Variants in ATAD2 observed in about 807,000 individuals in gnomAD.
The protein encoded by ATAD2 is ATPase family AAA domain containing 2.
In ATAD2, 62 loss-of-function variants were observed where a neutral mutation model predicts 168.9. That is an observed-to-expected ratio of 0.37 (90% CI 0.30 to 0.45). The LOEUF (loss-of-function observed/expected upper bound fraction) is 0.45. ATAD2 is among the 20% of genes least tolerant of loss of function. The pLI, the probability that ATAD2 is intolerant of heterozygous loss-of-function variation, is 1.00. For missense variants in ATAD2, 1,419 were observed against 1,667.8 expected, an observed-to-expected ratio of 0.85 and a Z score of 2.60; for synonymous variants, 613 against 571.6, an observed-to-expected ratio of 1.07 and a Z score of -1.03.
intron 5 of ATAD2, 111 bp from the exon 6 acceptor site, chr8:123,371,101 T>C: frequency 4.4e-6 from 5 of 1,123,812 alleles, no homozygotes; most frequent in Non-Finnish European, 6.2e-6. Context: ...CATAAACTCT[T>C]ACATTTCCAG....
chr8:123,382,477 G>A (rs747835529), intron 1 of ATAD2, among the ~76,000 whole-genome samples: 1 of 152,200 alleles, frequency 6.6e-6, no homozygotes, highest in Non-Finnish European at 1.5e-5. Context: ...TTAGATCAGT[G>A]TAGTGTATAA....
intron 1 of ATAD2, among the ~76,000 whole-genome samples, chr8:123,384,475 G>A (rs1463234900): frequency 6.6e-6 from 1 of 152,180 alleles, no homozygotes; most frequent in African/African-American, 2.4e-5. Context: ...GACAAGGCAA[G>A]AATTTTCCCT....
rs1827843394 is a variant in ATAD2 at position 123,333,823 on chromosome 8, C to CAA, written c.3478+54_3478+55insTT. 3.3e-6 allele frequency: 5 copies of CAA among 1,502,636 alleles called. No individual in the cohort carries two copies. In the Admixed American group the frequency reaches 8.4e-5, roughly 25 times the overall value. The allele number at this position is 1,502,636 out of a possible 1,614,324, so 93.1% of individuals were successfully genotyped here. A position where few individuals can be genotyped will look rare whatever the true frequency, so the allele number is the denominator to read the frequency against. On this transcript the variant is annotated intron_variant, in intron 24 of 27. Coordinates refer to ENST00000287394, the MANE Select transcript of ATAD2 (RefSeq NM_014109.4). ...GGAAAATAAGGGAGAAAGTTAATGG[C>CAA]ATTAGAAAAGAATAAAGTTATAATT...
chr8:123,334,183 C>T lies in ATAD2; in HGVS notation c.3334+17G>A. The T allele has an allele frequency of 1.3e-6, 2 of 1,568,578 alleles. No homozygotes were observed. Among genetic ancestry groups the T allele is most frequent in the Non-Finnish European group, 1.7e-6 (2 of 1,164,640 alleles). Reference sequence around the variant, plus strand: ...ATAATATTAGGTTGGTACAAATCAACCAAATCACTTTCCTACCTCTTTTCT... The same window carrying T: ...ATAATATTAGGTTGGTACAAATCAATCAAATCACTTTCCTACCTCTTTTCT... On this transcript the variant is annotated intron_variant, in intron 23 of 27. Coordinates refer to ENST00000287394, the MANE Select transcript of ATAD2 (RefSeq NM_014109.4).
chr8:123,401,466 GTGAT>G, intron 1 of ATAD2: 1 of 1,528,442 alleles, frequency 6.5e-7, no homozygotes, highest in Non-Finnish European at 9.0e-7. Context: ...CCACCTCCAG[GTGAT>G]TGGGGGGAAC....
intron 13 of ATAD2, among the ~76,000 whole-genome samples, chr8:123,352,985 T>C (rs1352794821): frequency 6.6e-6 from 1 of 152,136 alleles, no homozygotes; most frequent in Non-Finnish European, 1.5e-5. Context: ...GAAGATTGCT[T>C]GAGCCCAGGA....
chr8:123,345,387 C>T (rs1301902614), intron 18 of ATAD2, among the ~76,000 whole-genome samples: 2 of 151,726 alleles, frequency 1.3e-5, no homozygotes, highest in Non-Finnish European at 2.9e-5. Context: ...TATAGCCAGG[C>T]GCGGTGGCTC....
chr8:123,357,851 A>T, intron 11 of ATAD2, 115 bp from the exon 12 acceptor site: 1 of 1,069,092 alleles, frequency 9.4e-7, no homozygotes. Flanking sequence ...TGTGTAAGAC[A>T]ACTGAATTAT....
intron 9 of ATAD2, among the ~76,000 whole-genome samples, chr8:123,360,024 A>T (rs545830290): frequency 5.3e-5 from 8 of 152,334 alleles, no homozygotes; most frequent in African/African-American, 7.2e-5. Flanking sequence ...GGTATTTACC[A>T]TTTGCCAGAC....
At chr8:123,414,685 T>C (rs1040346132) in intron 1 of ATAD2, among the ~76,000 whole-genome samples, 2 of 152,180 alleles carry the variant, frequency 1.3e-5, no homozygotes, top group Non-Finnish European at 2.9e-5. Flanking sequence ...GGAAACTCTA[T>C]TCAGTACCTT....
upstream of ATAD2, among the ~76,000 whole-genome samples, chr8:123,398,232 T>C (rs868271774): frequency 1.6e-3 from 236 of 145,826 alleles, 2 homozygotes; most frequent in Middle Eastern, 0.01. Context: ...TGTTCTTTTT[T>C]TTTTTTTTTT....
Position 123,357,601 on chromosome 8 carries a change from T to C in ATAD2, c.1518A>G (p.Val506=). 1.2e-6 allele frequency: 2 copies of C among 1,614,006 alleles called. No individual in the cohort carries two copies. The highest frequency in any genetic ancestry group is 1.7e-6 in the Non-Finnish European group (2 of 1,179,960). ...ATCGTAGCTGTCTTTCAGATTCTCC[T>C]ACCCATTTACTTAGACAATCAGCAC... ...RKGADCLSKW[V]GESERQLRLL... Residue 506 remains valine (V), a synonymous_variant, in exon 12 of 28, where the codon GTA becomes GTG. Transcript: ENST00000287394.
chr8:123,346,984 A>G (rs1035909176), intron 16 of ATAD2, 108 bp downstream of exon 16: 13 of 1,283,388 alleles, frequency 1.0e-5, no homozygotes, highest in Admixed American at 2.9e-5. Context: ...AGCATTACCA[A>G]ATTCTTTTCA....
chr8:123,388,423 C>T (rs892667530), intron 1 of ATAD2, among the ~76,000 whole-genome samples: 4 of 152,108 alleles, frequency 2.6e-5, no homozygotes, highest in Non-Finnish European at 5.9e-5. Context: ...CTTGCTCTGT[C>T]GCCCAGGCTG....
At chr8:123,372,031 AC>A (rs367867827) in intron 3 of ATAD2, among the ~76,000 whole-genome samples, 196 bp from the exon 4 acceptor site, 202 of 152,000 alleles carry the variant, frequency 1.3e-3, no homozygotes, top group African/African-American at 4.7e-3. Flanking sequence ...GAGCCCACCT[AC>A]TCCCAGGAGA....
At chr8:123,386,552 A>C (rs1421950041) in intron 1 of ATAD2, among the ~76,000 whole-genome samples, 1 of 152,132 alleles carries the variant, frequency 6.6e-6, no homozygotes, top group East Asian at 1.9e-4. Context: ...ACAGAGTTTC[A>C]ATTCTGGAAG....
At chr8:123,396,592 G>T, upstream of ATAD2, 1 of 543,848 alleles carries the variant, frequency 1.8e-6, no homozygotes. Context: ...CCAACGTGGA[G>T]AGGAACACAG....
upstream of ATAD2, among the ~76,000 whole-genome samples, chr8:123,396,947 A>T (rs28690688): frequency 0.39 from 57,751 of 149,552 alleles, 12,105 homozygotes; most frequent in African/African-American, 0.56. Flanking sequence ...TTTTTTTTTT[A>T]AATAATTGAG....
intron 25 of ATAD2, 91 bp from the exon 26 acceptor site, chr8:123,326,117 T>C: frequency 7.3e-7 from 1 of 1,379,112 alleles, no homozygotes; most frequent in East Asian, 2.5e-5. Flanking sequence ...AAACAGGGCA[T>C]GTTTACTAAG....
Sources: gnomAD v4.1 joint callset for allele counts (sites outside exome capture counted in the v4.1 genomes callset) on GRCh38, gnomAD v4.1.1 for gene constraint, MANE v1.5 for transcripts, NCBI Gene and HGNC (gene_info 2026-07-23, HGNC 2026-07-21) for gene names.